Variants in NBPF11 observed in about 807,000 individuals in gnomAD.
NBPF11 encodes the protein NBPF member 11.
In NBPF11, 72 loss-of-function variants were observed where a neutral mutation model predicts 93.9. That is an observed-to-expected ratio of 0.77 (90% CI 0.63 to 0.93). NBPF11 has a LOEUF of 0.93. Among genes scored for constraint, NBPF11 ranks in the 40% least tolerant of loss-of-function variants. The probability of loss-of-function intolerance (pLI) is 0.00; values close to 1 mark genes in which losing one functional copy is unlikely to be tolerated. For missense variants in NBPF11, 705 were observed against 802.2 expected, an observed-to-expected ratio of 0.88 and a Z score of 1.46; for synonymous variants, 224 against 304.9, an observed-to-expected ratio of 0.73 and a Z score of 2.76.
chr1:148,144,113 C>A (rs1177213254), intron 1 of NBPF11, among the ~76,000 whole-genome samples: 2 of 151,614 alleles, frequency 1.3e-5, no homozygotes, highest in East Asian at 1.9e-4. Context: ...TGAGGTAGAT[C>A]TTAGTGAACA....
rs1176982112 is a variant in NBPF11 at position 148,103,551 on chromosome 1, T to A, written c.*345A>T. 2.6e-6 allele frequency: 4 copies of A among 1,568,222 alleles called. No individual in the cohort carries two copies. In the East Asian group the frequency reaches 6.7e-5, roughly 26 times the overall value. On this transcript the variant is annotated 3_prime_UTR_variant, in exon 24 of 24. Coordinates refer to ENST00000682118, the MANE Select transcript of NBPF11 (RefSeq NM_001385469.3). ...TGCTCTGAGAATAGGAATAGAGCCA[T>A]GCCCACTGACCCATCCTATGTCTGG...
At chr1:148,126,063 C>A (rs1197430564) in intron 5 of NBPF11, among the ~76,000 whole-genome samples, 2 of 151,880 alleles carry the variant, frequency 1.3e-5, no homozygotes, top group African/African-American at 4.9e-5. Context: ...TGCAATAGTG[C>A]AATCTTGACT....
intron 1 of NBPF11, among the ~76,000 whole-genome samples, chr1:148,145,294 C>T (rs1672824602): frequency 7.0e-6 from 1 of 142,994 alleles, no homozygotes; most frequent in Admixed American, 6.9e-5. Flanking sequence ...TCACTGCAAC[C>T]TCCGCCTCCT....
At chr1:148,132,144 G>GTGTGTA (rs1392331503) in intron 4 of NBPF11, among the ~76,000 whole-genome samples, 24 of 137,502 alleles carry the variant, frequency 1.7e-4, no homozygotes, top group Non-Finnish European at 2.5e-4. Context: ...GTGTGTGTGT[G>GTGTGTA]TATATATATA....
intron 22 of NBPF11, 120 bp from the exon 23 acceptor site, chr1:148,104,765 G>A: frequency 2.1e-6 from 1 of 481,980 alleles, no homozygotes; most frequent in Non-Finnish European, 3.7e-6. Context: ...AGGACACTGT[G>A]AGAGATATAT....
At chr1:148,133,020 G>T (rs1470662679) in intron 4 of NBPF11, among the ~76,000 whole-genome samples, 2 of 148,662 alleles carry the variant, frequency 1.3e-5, no homozygotes, top group Non-Finnish European at 3.0e-5. Flanking sequence ...AAAGTGCTGA[G>T]ATTACAAGTG....
rs1297604346 is a variant in NBPF11, at chr1:148,122,269, G to C, written c.567-3C>G. On this transcript the variant is annotated splice_region_variant and splice_polypyrimidine_tract_variant and intron_variant, in intron 8 of 23. Transcript: ENST00000682118. ...TCTCTTCAGCCTTCTGCACCTCCCT[G>C]ATGAGCCAGGTGGGACAGAGATGAC... The C allele has an allele frequency of 3.8e-4, 618 of 1,609,362 alleles. 12 individuals carry two copies. The African/African-American group carries it at 7.2e-3, about 19-fold the overall frequency.
intron 1 of NBPF11, chr1:148,149,648 T>C: frequency 3.9e-6 from 5 of 1,295,056 alleles, no homozygotes; most frequent in Non-Finnish European, 5.3e-6. Context: ...AGGGGCTGCA[T>C]GTGGACCCCC....
chr1:148,145,603 G>A lies in NBPF11; in HGVS notation c.-548-1917C>T, dbSNP rs1454333385. Among the ~76,000 whole-genome samples the A allele has an allele frequency of 2.0e-5, 3 of 151,582 alleles. 1 individual carries two copies. The highest frequency in any genetic ancestry group is 4.9e-5 in the African/African-American group (2 of 41,062). ...TCATTAAAATTAAGATACTCTGGCC[G>A]GGTGCGGTAGCTCATGCCTATAATC... On this transcript the variant is annotated intron_variant, in intron 1 of 23. Transcript: ENST00000682118.
Position 148,108,498 on chromosome 1 carries a change from C to T in NBPF11, c.2010G>A (p.Leu670=). The T allele has an allele frequency of 6.3e-7, 1 of 1,585,004 alleles. No individual in the cohort carries two copies. Among genetic ancestry groups the T allele is most frequent in the Non-Finnish European group, 8.6e-7 (1 of 1,157,054 alleles). Residue 670 remains leucine (L), a synonymous_variant, in exon 18 of 24, where the codon TTG becomes TTA. Transcript: ENST00000682118. ...GGTACTCACCATCCATGTCAACAGC[C>T]AAGCCAATACGCTGTTGCTCCAATA... ...FYVLEQQRIG[L]AVDMDEIEKY...
intron 18 of NBPF11, among the ~76,000 whole-genome samples, chr1:148,108,018 G>T (rs1664181530): frequency 6.6e-6 from 1 of 150,794 alleles, no homozygotes; most frequent in Admixed American, 6.6e-5. Context: ...TGTGCAAATG[G>T]TTATGCCATA....
At chr1:148,146,611 C>T (rs1252459931) in intron 1 of NBPF11, 6 of 1,610,582 alleles carry the variant, frequency 3.7e-6, no homozygotes, top group Non-Finnish European at 5.1e-6. Flanking sequence ...CCTGACGGAG[C>T]GTGCCGACTT....
chr1:148,126,978 G>A lies in NBPF11; in HGVS notation c.26C>T (p.Ser9Phe). The change falls in exon 5 of 24, where the codon TCC becomes TTC. Residue 9 changes from serine to phenylalanine, a missense_variant. Transcript: ENST00000682118. ...AATGTTCATCTCTGCCTTCTCGCTG[G>A]ACCAAGGGCCGGCTGATACCACCAT... is the stretch of plus-strand genomic sequence containing the variant. The part of the protein sequence containing the change: MVVSAGPW[S>F]SEKAEMNILE... The A allele has an allele frequency of 1.3e-6, 1 of 795,760 alleles. No individual in the cohort carries two copies. Among genetic ancestry groups the A allele is most frequent in the Non-Finnish European group, 2.1e-6 (1 of 477,088 alleles). 49.3% of individuals were successfully genotyped at this position (795,760 alleles called of 1,614,324 possible). A position where few individuals can be genotyped will look rare whatever the true frequency, so the allele number is the denominator to read the frequency against.
chr1:148,136,399 G>T (rs1671290346), intron 3 of NBPF11, among the ~76,000 whole-genome samples: 2 of 151,658 alleles, frequency 1.3e-5, no homozygotes, highest in African/African-American at 4.9e-5. Flanking sequence ...ATCAATACAA[G>T]AATGTGATAC....
chr1:148,135,572 C>T, intron 4 of NBPF11, 100 bp downstream of exon 4: 1 of 486,776 alleles, frequency 2.1e-6, no homozygotes, highest in Non-Finnish European at 3.7e-6. Context: ...CTCAGCTAAG[C>T]ATATGGGCTA....
Position 148,105,721 on chromosome 1 carries a change from GACAC to G in NBPF11, c.2304-197_2304-194del, listed in dbSNP as rs781939834. ...TGGAAAAGAATGAAAGAGAAAGACA[GACAC>G]ACACACACACACACACACACAAACA... On this transcript the variant is annotated intron_variant, in intron 21 of 23. Coordinates refer to ENST00000682118, the MANE Select transcript of NBPF11 (RefSeq NM_001385469.3). Among the ~76,000 whole-genome samples the G allele has an allele frequency of 9.9e-4, 95 of 95,966 alleles. 2 individuals carry two copies. The Middle Eastern group carries it at 0.015, about 15-fold the overall frequency. The allele number at this position is 95,966 out of a possible 152,430, so 63.0% of individuals were successfully genotyped here. A position where few individuals can be genotyped will look rare whatever the true frequency, so the allele number is the denominator to read the frequency against.
chr1:148,108,172 A>G (rs2149178389), intron 18 of NBPF11, among the ~76,000 whole-genome samples: 1 of 150,440 alleles, frequency 6.6e-6, no homozygotes, highest in South Asian at 2.1e-4. Context: ...GATGAAATCT[A>G]CAAGATCTAC....
Position 148,120,510 on chromosome 1 carries a change from T to C in NBPF11, c.979A>G (p.Asn327Asp). Residue 327 changes from asparagine (N) to aspartate (D), a missense_variant, in exon 10 of 24, where the codon AAC (asparagine) becomes GAC (aspartate). By Grantham distance (23) the Asn-to-Asp change is conservative. Transcript: ENST00000682118. Reference protein sequence around the residue: ...QVACFLAKQQNKYKYEECKDL... With the variant: ...QVACFLAKQQDKYKYEECKDL... ...AGCATATAGATCTTACTGTATTTGTTCTGCTGCTTGGCCAGGAAGCAGGCC... is the reference window on the plus strand; with the variant it reads ...AGCATATAGATCTTACTGTATTTGTCCTGCTGCTTGGCCAGGAAGCAGGCC... 4 of 913,340 alleles carry C rather than the reference T, an allele frequency of 4.4e-6. No homozygotes were observed. The Admixed American group carries it at 6.8e-5, about 15-fold the overall frequency. The allele number at this position is 913,340 out of a possible 1,614,324, so 56.6% of individuals were successfully genotyped here. A position where few individuals can be genotyped will look rare whatever the true frequency, so the allele number is the denominator to read the frequency against.
rs1447811283 is a variant in NBPF11, at chr1:148,150,009, A to C, written c.-549+1741T>G. Among the ~76,000 whole-genome samples the C allele has an allele frequency of 2.6e-5, 4 of 151,776 alleles. 1 individual carries two copies. Among genetic ancestry groups the C allele is most frequent in the African/African-American group, 9.7e-5 (4 of 41,140 alleles). On this transcript the variant is annotated intron_variant, in intron 1 of 23. Coordinates refer to ENST00000682118, the MANE Select transcript of NBPF11 (RefSeq NM_001385469.3). ...CTAACTGATAAAACACTTTGGGAAAATGTTCAGCCATATGTAATACTAAAG... is the reference window on the plus strand; with the variant it reads ...CTAACTGATAAAACACTTTGGGAAACTGTTCAGCCATATGTAATACTAAAG...
Sources: gnomAD v4.1 joint callset for allele counts (sites outside exome capture counted in the v4.1 genomes callset) on GRCh38, gnomAD v4.1.1 for gene constraint, MANE v1.5 for transcripts, NCBI Gene and HGNC (gene_info 2026-07-23, HGNC 2026-07-21) for gene names.